CCNY: variants seen among roughly 807,000 people sequenced by gnomAD.
The protein encoded by CCNY is cyclin Y, also known as cyclin-Y.
A neutral mutation model predicts 42.8 loss-of-function variants in CCNY; 19 were observed. The ratio of observed to expected loss-of-function variants is 0.44; its 90% CI spans 0.31 to 0.65. The LOEUF (loss-of-function observed/expected upper bound fraction) is 0.65. Among genes scored for constraint, CCNY ranks in the 30% least tolerant of loss-of-function variants. The pLI, the probability that CCNY is intolerant of heterozygous loss-of-function variation, is 0.07. For missense variants in CCNY, 370 were observed against 437.3 expected, an observed-to-expected ratio of 0.85 and a Z score of 1.37; for synonymous variants, 165 against 162.7, an observed-to-expected ratio of 1.01 and a Z score of -0.11.
intron 4 of CCNY, among the ~76,000 whole-genome samples, chr10:35,519,467 A>G (rs1840499341): frequency 6.6e-6 from 1 of 152,226 alleles, no homozygotes. Flanking sequence ...TGGCTGAGGC[A>G]TACTGTGAGT....
At position 35,472,331 on chromosome 10, in the gene CCNY, T is replaced by G. The variant is rs571429860; in HGVS notation, c.155-11073T>G. ...TTTTACATTTTAAAATGTGTAATTC[T>G]TTTTCTACTGTTTGAGCATCTCTTT... On this transcript the variant is annotated intron_variant, in intron 1 of 9. Coordinates refer to ENST00000374704, the MANE Select transcript of CCNY (RefSeq NM_145012.6). Among the ~76,000 whole-genome samples the G allele has an allele frequency of 3.9e-5, 6 of 152,368 alleles. 1 individual carries two copies. In the East Asian group the frequency reaches 1.2e-3, roughly 29 times the overall value.
intron 3 of CCNY, among the ~76,000 whole-genome samples, chr10:35,283,694 C>T (rs1199198688): frequency 6.6e-6 from 1 of 152,152 alleles, no homozygotes; most frequent in Non-Finnish European, 1.5e-5. Flanking sequence ...TGAGCCACTG[C>T]GCCCAGCCGG....
At chr10:35,547,672 C>T (rs1483214170) in intron 7 of CCNY, among the ~76,000 whole-genome samples, 1 of 152,178 alleles carries the variant, frequency 6.6e-6, no homozygotes, top group African/African-American at 2.4e-5. Context: ...TCTGCCCTTT[C>T]ATAGCTCTTT....
At chr10:35,534,370 A>G (rs974695639) in intron 7 of CCNY, among the ~76,000 whole-genome samples, 2 of 152,176 alleles carry the variant, frequency 1.3e-5, no homozygotes, top group Non-Finnish European at 2.9e-5. Flanking sequence ...AACTTCGGGG[A>G]CATCACTCAA....
chr10:35,551,743 G>T (rs1284066912), intron 7 of CCNY, among the ~76,000 whole-genome samples: 1 of 152,146 alleles, frequency 6.6e-6, no homozygotes, highest in Non-Finnish European at 1.5e-5. Context: ...TGTCAGTTTA[G>T]AAATCCTGTA....
chr10:35,489,801 A>C (rs145740362), intron 2 of CCNY, among the ~76,000 whole-genome samples: 1 of 152,332 alleles, frequency 6.6e-6, no homozygotes, highest in African/African-American at 2.4e-5. Context: ...TTTGCAAAAG[A>C]ATTACTCAGT....
chr10:35,508,199 A>G (rs996957155), intron 3 of CCNY, among the ~76,000 whole-genome samples: 4 of 152,094 alleles, frequency 2.6e-5, no homozygotes, highest in Admixed American at 6.5e-5. Flanking sequence ...CTTTGTCAGT[A>G]GGTGTTCTGC....
intron 1 of CCNY, among the ~76,000 whole-genome samples, chr10:35,354,738 G>C (rs913187687): frequency 5.9e-5 from 9 of 152,258 alleles, no homozygotes; most frequent in African/African-American, 9.6e-5. Context: ...ATAACTATGG[G>C]ATCTGAGGAT....
chr10:35,405,792 C>T (rs1191252596), intron 1 of CCNY, among the ~76,000 whole-genome samples: 2 of 152,190 alleles, frequency 1.3e-5, no homozygotes, highest in South Asian at 4.1e-4. Context: ...GCCACTAAGC[C>T]GAGAAGATCT....
chr10:35,248,767 A>T lies in CCNY; in HGVS notation c.-114+556A>T, dbSNP rs1204491057. Among the ~76,000 whole-genome samples, 5 of 152,230 alleles carry T rather than the reference A, an allele frequency of 3.3e-5. No individual in the cohort carries two copies. In the East Asian group the frequency reaches 9.6e-4, roughly 29 times the overall value. The stretch of plus-strand genomic sequence containing the variant: ...GGCCAGAGGATCACTTGATCCCAGG[A>T]GGCTGACGCTGCAGTGAGCCGTGCT... On this transcript the variant is annotated intron_variant, in intron 2 of 11. Coordinates refer to the CCNY transcript ENST00000374706.
chr10:35,450,742 T>A (rs1838898401), intron 1 of CCNY, among the ~76,000 whole-genome samples: 1 of 152,148 alleles, frequency 6.6e-6, no homozygotes. Context: ...TCAGTATTTC[T>A]TAATAAGAAA....
chr10:35,326,156 GT>G (rs766507703), intron 3 of CCNY, among the ~76,000 whole-genome samples: 50 of 148,546 alleles, frequency 3.4e-4, no homozygotes, highest in African/African-American at 1.1e-3. Context: ...TGAGTTTTTT[GT>G]TTTTTTTTTG....
intron 1 of CCNY, among the ~76,000 whole-genome samples, chr10:35,395,916 C>T (rs1355567944): frequency 6.6e-6 from 1 of 152,076 alleles, no homozygotes; most frequent in Non-Finnish European, 1.5e-5. Context: ...GGAGGTTTTA[C>T]AGCATCCCCA....
rs1467152231 is a variant in CCNY, at chr10:35,571,044, A to G, written c.*1874A>G. On this transcript the variant is annotated 3_prime_UTR_variant, in exon 10 of 10. Coordinates refer to ENST00000374704, the MANE Select transcript of CCNY (RefSeq NM_145012.6). ...ATTTAGAACTTTGAATACAGGTCAA[A>G]AAATGTAGAAAATATCATTTTATAT... 6.6e-6 allele frequency: 1 copy of G among 152,248 alleles called. No homozygotes were observed. Among genetic ancestry groups the G allele is most frequent in the Non-Finnish European group, 1.5e-5 (1 of 68,034 alleles). 9.4% of individuals were successfully genotyped at this position (152,248 alleles called of 1,614,324 possible).
rs192166495 is a variant in CCNY at position 35,406,661 on chromosome 10, C to T, written c.154+69454C>T. ...CACAGACACGGCAACCATCCGATTTCTCAGTCTTTTCCCCACCTTTCCCCC... is the reference window on the plus strand; with the variant it reads ...CACAGACACGGCAACCATCCGATTTTTCAGTCTTTTCCCCACCTTTCCCCC... On this transcript the variant is annotated intron_variant, in intron 1 of 9. Coordinates refer to ENST00000374704, the MANE Select transcript of CCNY (RefSeq NM_145012.6). 3.5e-3 allele frequency among the ~76,000 whole-genome samples: 527 copies of T among 152,356 alleles called. 1 individual carries two copies. The highest frequency in any genetic ancestry group is 0.017 in the Middle Eastern group (5 of 294).
chr10:35,525,266 T>A (rs1382019610), intron 4 of CCNY, among the ~76,000 whole-genome samples: 1 of 152,214 alleles, frequency 6.6e-6, no homozygotes, highest in Non-Finnish European at 1.5e-5. Flanking sequence ...GCTAATAGTT[T>A]TATTTGGGCG....
At chr10:35,512,356 G>A (rs1840341334) in intron 3 of CCNY, among the ~76,000 whole-genome samples, 1 of 152,122 alleles carries the variant, frequency 6.6e-6, no homozygotes, top group South Asian at 2.1e-4. Context: ...GAATTAATGA[G>A]AGTGGGTGAG....
At chr10:35,509,905 G>A (rs548078880) in intron 3 of CCNY, among the ~76,000 whole-genome samples, 3 of 152,136 alleles carry the variant, frequency 2.0e-5, no homozygotes, top group South Asian at 2.1e-4. Flanking sequence ...TTATGGTTTC[G>A]TGGAGACTGT....
intron 3 of CCNY, among the ~76,000 whole-genome samples, chr10:35,272,330 A>G (rs1835180385): frequency 6.6e-6 from 1 of 151,004 alleles, no homozygotes; most frequent in Non-Finnish European, 1.5e-5. Context: ...GTACATGTGC[A>G]GGTTTGTTAC....
Sources: gnomAD v4.1 joint callset for allele counts (sites outside exome capture counted in the v4.1 genomes callset) on GRCh38, gnomAD v4.1.1 for gene constraint, MANE v1.5 for transcripts, NCBI Gene and HGNC (gene_info 2026-07-23, HGNC 2026-07-21) for gene names.